Variants in NOL8 observed in about 807,000 individuals in gnomAD.
NOL8 encodes nucleolar protein 8.
A neutral mutation model predicts 116.1 loss-of-function variants in NOL8; 93 were observed. The observed-to-expected ratio is 0.80, with a 90% CI of 0.68 to 0.95. The LOEUF (loss-of-function observed/expected upper bound fraction) is 0.95, where lower values mean the gene tolerates loss of function less well. NOL8 is among the 40% of genes least tolerant of loss of function. The pLI, the probability that NOL8 is intolerant of heterozygous loss-of-function variation, is 0.00. For missense variants in NOL8, 1,291 were observed against 1,382.8 expected (o/e 0.93, Z 1.05); for synonymous variants, 419 against 469.0 (o/e 0.89, Z 1.38).
Position 92,305,836 on chromosome 9 carries a change from T to TA in NOL8, c.2826-7dup, listed in dbSNP as rs772657425. ...GATCATAATGTATGATGTCCCTATG[T>TA]AAAAAAAGGAAGGGAGGTTGGAAGA... On this transcript the variant is annotated splice_region_variant and splice_polypyrimidine_tract_variant and intron_variant, in intron 11 of 16. Coordinates refer to ENST00000442668, the MANE Select transcript of NOL8 (RefSeq NM_017948.6). 2.5e-6 allele frequency: 4 copies of TA among 1,602,738 alleles called. No homozygotes were observed. Among genetic ancestry groups the TA allele is most frequent in the Admixed American group, 1.7e-5 (1 of 59,546 alleles).
chr9:92,299,813 C>T (rs758202842), intron 14 of NOL8, 77 bp downstream of exon 14: 45 of 1,468,930 alleles, frequency 3.1e-5, no homozygotes, highest in Non-Finnish European at 4.2e-5. Flanking sequence ...TGAAGAGAAG[C>T]TAAAATATTT....
At chr9:92,306,617 TTTACAG>T (rs1361681561) in intron 11 of NOL8, among the ~76,000 whole-genome samples, 1 of 152,216 alleles carries the variant, frequency 6.6e-6, no homozygotes, top group Non-Finnish European at 1.5e-5. Context: ...TATAAATACT[TTTACAG>T]TTACTATTTA....
At chr9:92,298,196 T>C (rs1837408939) in intron 16 of NOL8, 61 bp downstream of exon 16, 1 of 1,289,594 alleles carries the variant, frequency 7.8e-7, no homozygotes, top group Non-Finnish European at 1.1e-6. Flanking sequence ...CTTCCAGGAC[T>C]GTAATTCTAG....
chr9:92,300,602 C>T (rs893520798), intron 13 of NOL8: 18 of 996,272 alleles, frequency 1.8e-5, no homozygotes, highest in Non-Finnish European at 2.2e-5. Context: ...GTTTTGCTCT[C>T]AAAGTTAGAA....
chr9:92,313,583 A>G (rs1444014054), intron 7 of NOL8, among the ~76,000 whole-genome samples: 1 of 152,120 alleles, frequency 6.6e-6, no homozygotes, highest in South Asian at 2.1e-4. Context: ...CACTAGCCTC[A>G]TTTCTTGCCA....
intron 11 of NOL8, among the ~76,000 whole-genome samples, chr9:92,306,645 A>G (rs932680752): frequency 2.2e-4 from 34 of 152,180 alleles, no homozygotes; most frequent in Admixed American, 2.0e-3. Context: ...ACTGTTTCCC[A>G]TTTGTTTCAC....
At chr9:92,316,303 A>G (rs1333474572) in intron 6 of NOL8, among the ~76,000 whole-genome samples, 165 bp from the exon 7 acceptor site, 1 of 152,192 alleles carries the variant, frequency 6.6e-6, no homozygotes, top group Non-Finnish European at 1.5e-5. Context: ...AGGGTCTAAG[A>G]AACTGAGCTT....
intron 6 of NOL8, among the ~76,000 whole-genome samples, chr9:92,317,878 C>T (rs1839558779): frequency 6.6e-6 from 1 of 150,678 alleles, no homozygotes; most frequent in African/African-American, 2.4e-5. Context: ...AGTAAAAATA[C>T]AAAAAAATTA....
At chr9:92,299,855 T>C in intron 14 of NOL8, 35 bp downstream of exon 14, 1 of 1,603,754 alleles carries the variant, frequency 6.2e-7, no homozygotes. Context: ...TTTTACAAAT[T>C]ATGAACTATG....
intron 16 of NOL8, 117 bp from the exon 17 acceptor site, chr9:92,298,003 G>T: frequency 3.3e-6 from 3 of 906,322 alleles, no homozygotes; most frequent in Non-Finnish European, 4.9e-6. Flanking sequence ...TTTTGAAAGT[G>T]CTCTTTTGAA....
At position 92,315,561 on chromosome 9, in the gene NOL8, C is replaced by G. The variant is rs1259924935; in HGVS notation, c.1064G>C (p.Gly355Ala). ...ATGGCAAGAGACACGATTTTTGATACCTAAACCTATTAAAGAATGCAGTTT... is the reference window on the plus strand; with the variant it reads ...ATGGCAAGAGACACGATTTTTGATAGCTAAACCTATTAAAGAATGCAGTTT... ...VHKLHSLIGL[G>A]IKNRVSCHDS... The change falls in exon 7 of 17, where the codon GGT becomes GCT. Residue 355 changes from glycine to alanine, a missense_variant. Gly to Ala is a moderately conservative substitution (Grantham distance 60, BLOSUM62 0). Transcript: ENST00000442668. The G allele has an allele frequency of 2.5e-6, 4 of 1,612,286 alleles. No homozygotes were observed. The African/African-American group carries it at 5.3e-5, about 22-fold the overall frequency.
In NOL8 at chr9:92,314,490, G is replaced by C. The variant is rs1839171556; in HGVS notation, c.2135C>G (p.Ser712Cys). The change falls in exon 7 of 17, where the codon TCT becomes TGT. Residue 712 changes from serine to cysteine, a missense_variant. Coordinates refer to ENST00000442668, the MANE Select transcript of NOL8 (RefSeq NM_017948.6). The part of the protein sequence containing the change: ...TKTEASQEER[S>C]DSSGLTSLKK... ...GAGAGATGTGAGGCCGCTTGAATCA[G>C]ACCGCTCTTCCTGTGAAGCTTCTGT... 1 of 1,613,404 alleles carries C rather than the reference G, an allele frequency of 6.2e-7. No individual in the cohort carries two copies. Among genetic ancestry groups the C allele is most frequent in the Non-Finnish European group, 8.5e-7 (1 of 1,179,518 alleles).
At chr9:92,316,179 A>T (rs754108616) in intron 6 of NOL8, 41 bp from the exon 7 acceptor site, 2 of 1,560,132 alleles carry the variant, frequency 1.3e-6, no homozygotes, top group Non-Finnish European at 1.7e-6. Flanking sequence ...ACTTGGTTTT[A>T]GGAAAACTCA....
In NOL8 at chr9:92,305,790, T is replaced by G; in HGVS notation, c.2866A>C (p.Thr956Pro). The change falls in exon 12 of 17, where the codon ACT (threonine) becomes CCT (proline). Residue 956 changes from threonine (T) to proline (P), a missense_variant. Coordinates refer to ENST00000442668, the MANE Select transcript of NOL8 (RefSeq NM_017948.6). Reference sequence around the variant, plus strand: ...TTATCATCTCTTTTTCTTTCGTAAGTGGCATGGTCTTGCTTCGTTGGATCA... The same window carrying G: ...TTATCATCTCTTTTTCTTTCGTAAGGGGCATGGTCTTGCTTCGTTGGATCA... Reference protein sequence around the residue: ...HYDPTKQDHATYERKRDDKPK... With the variant: ...HYDPTKQDHAPYERKRDDKPK... The G allele has an allele frequency of 6.2e-7, 1 of 1,612,830 alleles. No homozygotes were observed. Among genetic ancestry groups the G allele is most frequent in the Non-Finnish European group, 8.5e-7 (1 of 1,179,004 alleles).
chr9:92,320,957 T>C (rs1012168115), intron 4 of NOL8, among the ~76,000 whole-genome samples: 3 of 152,192 alleles, frequency 2.0e-5, no homozygotes, highest in African/African-American at 4.8e-5. Context: ...TCCCCAACAA[T>C]ACCTTTTCTT....
In NOL8 at chr9:92,297,836, T is replaced by C; in HGVS notation, c.3504A>G (p.Ter1168=). 1 of 1,548,908 alleles carries C rather than the reference T, an allele frequency of 6.5e-7. No homozygotes were observed. The highest frequency in any genetic ancestry group is 1.2e-5 in the South Asian group (1 of 83,320). The stretch of plus-strand genomic sequence containing the variant: ...CAGTATCAAAACCAGCTGACATTTA[T>C]TATTTTGGTTTCATTTTCCTTTTTG... The part of the protein sequence containing the change: ...KDAKRKMKPK[*] The change falls in exon 17 of 17, where the codon TAA becomes TAG. Residue 1168 remains the stop codon, a stop_retained_variant. Coordinates refer to ENST00000442668, the MANE Select transcript of NOL8 (RefSeq NM_017948.6).
intron 13 of NOL8, chr9:92,300,659 A>C (rs990975892): frequency 9.5e-7 from 1 of 1,052,802 alleles, no homozygotes; most frequent in Admixed American, 4.5e-5. Context: ...TCAACAGTTT[A>C]TATAGACAAG....
chr9:92,306,828 A>C, intron 11 of NOL8, 58 bp downstream of exon 11: 1 of 1,542,890 alleles, frequency 6.5e-7, no homozygotes, highest in South Asian at 1.2e-5. Context: ...AATTGAGTTC[A>C]AGAAGACATT....
chr9:92,315,934 C>G lies in NOL8; in HGVS notation c.691G>C (p.Gly231Arg). 2 of 1,613,848 alleles carry G rather than the reference C, an allele frequency of 1.2e-6. No individual in the cohort carries two copies. The highest frequency in any genetic ancestry group is 1.7e-6 in the Non-Finnish European group (2 of 1,179,868). ...GGCCTTGTACTCATGGCCAGAGACC[C>G]AGTGGAACTCTCATCCTTCTGCACT... is the stretch of plus-strand genomic sequence containing the variant. ...IKVQKDESST[G>R]SLAMSTRPRR... Residue 231 changes from glycine to arginine, a missense_variant, in exon 7 of 17, where the codon GGG becomes CGG. By Grantham distance (125) the Gly-to-Arg change is moderately radical. Transcript: ENST00000442668.
Sources: gnomAD v4.1 joint callset for allele counts (sites outside exome capture counted in the v4.1 genomes callset) on GRCh38, gnomAD v4.1.1 for gene constraint, MANE v1.5 for transcripts, NCBI Gene and HGNC (gene_info 2026-07-23, HGNC 2026-07-21) for gene names.